Variants in AFAP1L2 observed in about 807,000 individuals in gnomAD.
AFAP1L2 encodes actin filament-associated protein 1-like 2.
In AFAP1L2, 46 loss-of-function variants were observed where a neutral mutation model predicts 99.3. That is an observed-to-expected ratio of 0.46 (90% CI 0.37 to 0.59). The LOEUF is 0.59. Ranked by LOEUF, AFAP1L2 falls within the 20% of genes least tolerant of loss-of-function variation. The pLI is 0.00. For missense variants in AFAP1L2, 959 were observed against 1,034.9 expected (o/e 0.93, Z 1.01); for synonymous variants, 397 against 419.1 (o/e 0.95, Z 0.64).
chr10:114,395,515 C>T (rs1419269701), intron 1 of AFAP1L2, among the ~76,000 whole-genome samples: 1 of 152,196 alleles, frequency 6.6e-6, no homozygotes, highest in Non-Finnish European at 1.5e-5. Context: ...TCAGTGAAAC[C>T]TCCAAACAAT....
rs546092208 is a variant in AFAP1L2 at position 114,294,835 on chromosome 10, T to C, written c.*1207A>G. 1.3e-4 allele frequency: 128 copies of C among 954,680 alleles called. No individual in the cohort carries two copies. Among genetic ancestry groups the C allele is most frequent in the Non-Finnish European group, 1.5e-4 (123 of 816,756 alleles). 59.1% of individuals were successfully genotyped at this position (954,680 alleles called of 1,614,324 possible). A position where few individuals can be genotyped will look rare whatever the true frequency, so the allele number is the denominator to read the frequency against. On this transcript the variant is annotated 3_prime_UTR_variant, in exon 19 of 19. Coordinates refer to ENST00000304129, the MANE Select transcript of AFAP1L2 (RefSeq NM_001001936.3). ...GAACTGAGGAAAACTTCAAATACAATGAACATTTTATTTTAAAAAACCTAA... is the reference window on the plus strand; with the variant it reads ...GAACTGAGGAAAACTTCAAATACAACGAACATTTTATTTTAAAAAACCTAA...
At chr10:114,358,197 G>T (rs1361474138) in intron 1 of AFAP1L2, among the ~76,000 whole-genome samples, 2 of 152,138 alleles carry the variant, frequency 1.3e-5, no homozygotes, top group African/African-American at 4.8e-5. Flanking sequence ...AGGATTAATA[G>T]GTTTTATGAT....
At position 114,295,838 on chromosome 10, in the gene AFAP1L2, G is replaced by C; in HGVS notation, c.*204C>G. On this transcript the variant is annotated 3_prime_UTR_variant, in exon 19 of 19. Coordinates refer to ENST00000304129, the MANE Select transcript of AFAP1L2 (RefSeq NM_001001936.3). ...CATCCAATAGACTTAGGTCTCCAAA[G>C]AAGCCTCCTTTTTGTTGTATTATTT... 7.1e-7 allele frequency: 1 copy of C among 1,403,132 alleles called. No homozygotes were observed. Among genetic ancestry groups the C allele is most frequent in the Non-Finnish European group, 9.3e-7 (1 of 1,078,656 alleles). The allele number at this position is 1,403,132 out of a possible 1,614,324, so 86.9% of individuals were successfully genotyped here.
chr10:114,347,145 G>A (rs556213236), intron 1 of AFAP1L2, among the ~76,000 whole-genome samples: 1 of 152,292 alleles, frequency 6.6e-6, no homozygotes, highest in East Asian at 1.9e-4. Flanking sequence ...CCAAGATCAA[G>A]CCACTGAATG....
chr10:114,379,478 T>G (rs936935610), intron 1 of AFAP1L2, among the ~76,000 whole-genome samples: 4 of 152,034 alleles, frequency 2.6e-5, no homozygotes, highest in Non-Finnish European at 5.9e-5. Flanking sequence ...TAATAAAGAA[T>G]GAGTCACCCA....
intron 4 of AFAP1L2, among the ~76,000 whole-genome samples, chr10:114,327,147 T>TTATTTATATA (rs1554902752): frequency 1.1e-4 from 6 of 54,538 alleles, no homozygotes; most frequent in Non-Finnish European, 1.9e-4. Context: ...TTATATATAT[T>TTATTTATATA]TATATATATA....
At chr10:114,401,254 G>T (rs1296064937) in intron 1 of AFAP1L2, among the ~76,000 whole-genome samples, 1 of 152,166 alleles carries the variant, frequency 6.6e-6, no homozygotes, top group African/African-American at 2.4e-5. Context: ...TGCAATTTCA[G>T]GAAGCTTCGG....
chr10:114,389,813 A>G (rs1308288222), intron 1 of AFAP1L2, among the ~76,000 whole-genome samples: 1 of 152,226 alleles, frequency 6.6e-6, no homozygotes, highest in African/African-American at 2.4e-5. Context: ...CAGTCCAGAA[A>G]TTAATATGAA....
At chr10:114,340,842 AG>A (rs770072405) in intron 1 of AFAP1L2, 111 bp from the exon 2 acceptor site, 1 of 1,510,524 alleles carries the variant, frequency 6.6e-7, no homozygotes. Flanking sequence ...TGGTCCCAAG[AG>A]GAAGGGTTTG....
intron 4 of AFAP1L2, among the ~76,000 whole-genome samples, chr10:114,324,737 T>G (rs1590175704): frequency 6.6e-6 from 1 of 150,768 alleles, no homozygotes; most frequent in African/African-American, 2.4e-5. Flanking sequence ...GGCTGTGAGG[T>G]GGGGGAGGTT....
At chr10:114,383,902 C>T (rs1041504373) in intron 1 of AFAP1L2, among the ~76,000 whole-genome samples, 2 of 152,162 alleles carry the variant, frequency 1.3e-5, no homozygotes, top group Admixed American at 6.5e-5. Context: ...CTTCCTAAAC[C>T]CTCAGTCCAT....
chr10:114,402,779 G>A (rs941060551), intron 1 of AFAP1L2, among the ~76,000 whole-genome samples: 1 of 152,198 alleles, frequency 6.6e-6, no homozygotes, highest in East Asian at 1.9e-4. Flanking sequence ...AATGTGATTT[G>A]CCCTGATTTA....
chr10:114,404,606 G>T, upstream of AFAP1L2: 1 of 1,162,620 alleles, frequency 8.6e-7, no homozygotes, highest in Non-Finnish European at 1.1e-6. Context: ...AGGGTCCTCG[G>T]ACCTGGCCCC....
rs1417055174 is a variant in AFAP1L2, at chr10:114,309,993, T to C, written c.882+361A>G. Among the ~76,000 whole-genome samples, 5 of 152,222 alleles carry C rather than the reference T, an allele frequency of 3.3e-5. No individual in the cohort carries two copies. In the South Asian group the frequency reaches 8.3e-4, roughly 25 times the overall value. ...CCCAGGCTGGAGTGCACTGGCGCTA[T>C]CTCAGCTCACTGCAACCTCCGCCTC... On this transcript the variant is annotated intron_variant, in intron 8 of 18. Transcript: ENST00000304129.
At chr10:114,301,855 C>A in intron 12 of AFAP1L2, 1 of 268,182 alleles carries the variant, frequency 3.7e-6, no homozygotes. Context: ...CCGTTTGGTC[C>A]ATGAGAAAAC....
chr10:114,334,091 T>C (rs763050826), intron 2 of AFAP1L2, among the ~76,000 whole-genome samples: 11 of 152,124 alleles, frequency 7.2e-5, no homozygotes, highest in Non-Finnish European at 1.5e-4. Context: ...GATTTCTGAA[T>C]TTAAAGGGGT....
At chr10:114,283,311 A>G in the AFAP1L2 span, among the ~76,000 whole-genome samples, 1 of 142,334 alleles carries the variant, frequency 7.0e-6, no homozygotes. Context: ...GCAGTTAGAC[A>G]CACAGGCAGG....
chr10:114,397,457 C>T (rs1445250501), intron 1 of AFAP1L2, among the ~76,000 whole-genome samples: 1 of 152,218 alleles, frequency 6.6e-6, no homozygotes, highest in Non-Finnish European at 1.5e-5. Flanking sequence ...TGGACTTTCA[C>T]TTTCTTGTCA....
intron 16 of AFAP1L2, among the ~76,000 whole-genome samples, 197 bp from the exon 17 acceptor site, chr10:114,297,610 G>A (rs1164610227): frequency 3.3e-5 from 5 of 152,226 alleles, no homozygotes; most frequent in Non-Finnish European, 4.4e-5. Flanking sequence ...GCAAAGGCTG[G>A]GAGGCTCTTG....
Sources: allele counts gnomAD v4.1 joint callset (sites outside exome capture counted in the v4.1 genomes callset), GRCh38; gene constraint gnomAD v4.1.1; transcripts MANE v1.5; gene names NCBI Gene and HGNC (gene_info 2026-07-23, HGNC 2026-07-21).